The following EBF1 variants were observed in gnomAD, a reference collection of about 807,000 sequenced individuals.
The protein encoded by EBF1 is transcription factor COE1.
In EBF1, 10 loss-of-function variants were observed where a neutral mutation model predicts 68.4. The ratio of observed to expected loss-of-function variants is 0.15; its 90% confidence interval spans 0.09 to 0.25. The LOEUF is 0.25. Among genes scored for constraint, EBF1 ranks in the 10% least tolerant of loss-of-function variants. The pLI, the probability that EBF1 is intolerant of heterozygous loss-of-function variation, is 1.00. For synonymous variants in EBF1, 298 were observed against 299.8 expected (o/e 0.99, Z 0.06); for missense variants, 509 against 794.4 (o/e 0.64, Z 4.32).
chr5:158,727,986 T>C (rs1013581989), intron 11 of EBF1, among the ~76,000 whole-genome samples: 3 of 152,228 alleles, frequency 2.0e-5, no homozygotes, highest in Non-Finnish European at 4.4e-5. Flanking sequence ...GAGGAGTTTG[T>C]TTTTTAAGGT....
chr5:159,071,336 C>G (rs1055520095), intron 6 of EBF1, among the ~76,000 whole-genome samples: 3 of 152,136 alleles, frequency 2.0e-5, no homozygotes, highest in Admixed American at 2.0e-4. Context: ...ATTGGCTACA[C>G]ACTGTTTTCT....
chr5:158,859,002 A>G (rs1225508639), intron 6 of EBF1, among the ~76,000 whole-genome samples: 1 of 152,194 alleles, frequency 6.6e-6, no homozygotes, highest in Non-Finnish European at 1.5e-5. Context: ...CCCGACATCC[A>G]TGGGTGGTCT....
In EBF1 at chr5:158,726,529, T is replaced by C. The variant is rs556410443; in HGVS notation, c.1125+4540A>G. 3.3e-5 allele frequency among the ~76,000 whole-genome samples: 5 copies of C among 152,330 alleles called. No homozygotes were observed. In the South Asian group the frequency reaches 8.3e-4, roughly 25 times the overall value. ...GTATTTATTACTCCCACTGGATCAA[T>C]TTACCAGATATTTTCAGCTCCATAA... On this transcript the variant is annotated intron_variant, in intron 11 of 15. Coordinates refer to ENST00000313708, the MANE Select transcript of EBF1 (RefSeq NM_024007.5).
intron 10 of EBF1, among the ~76,000 whole-genome samples, chr5:158,761,046 C>A (rs1771329770): frequency 6.6e-6 from 1 of 152,106 alleles, no homozygotes; most frequent in Non-Finnish European, 1.5e-5. Context: ...AATAAAAGTG[C>A]AAATCCTTTA....
At chr5:158,777,575 C>CA in intron 9 of EBF1, 36 bp from the exon 10 acceptor site, 5 of 1,571,652 alleles carry the variant, frequency 3.2e-6, no homozygotes, top group Non-Finnish European at 4.3e-6. Context: ...ATTGTCATTG[C>CA]AATAGTTAAA....
At chr5:158,759,228 G>T (rs910582231) in intron 10 of EBF1, among the ~76,000 whole-genome samples, 4 of 152,292 alleles carry the variant, frequency 2.6e-5, no homozygotes, top group Non-Finnish European at 5.9e-5. Context: ...TTGGGAGTTA[G>T]TCTTGATAGT....
At chr5:158,714,237 T>A in intron 11 of EBF1, 55 bp from the exon 12 acceptor site, 1 of 1,595,166 alleles carries the variant, frequency 6.3e-7, no homozygotes, top group Non-Finnish European at 8.6e-7. Flanking sequence ...TGTCGTTATC[T>A]TTTGACATGA....
chr5:159,031,042 T>G (rs1768711973), intron 6 of EBF1, among the ~76,000 whole-genome samples: 1 of 152,028 alleles, frequency 6.6e-6, no homozygotes, highest in South Asian at 2.1e-4. Flanking sequence ...GATGCAGTGG[T>G]GTGTGCCTGT....
intron 7 of EBF1, among the ~76,000 whole-genome samples, chr5:158,830,488 C>T (rs960628718): frequency 1.3e-5 from 2 of 152,162 alleles, no homozygotes; most frequent in African/African-American, 4.8e-5. Flanking sequence ...CTAGGATGGT[C>T]TCGATCTCTT....
intron 8 of EBF1, among the ~76,000 whole-genome samples, chr5:158,798,450 G>A (rs1026645244): frequency 3.3e-5 from 5 of 151,972 alleles, no homozygotes; most frequent in Non-Finnish European, 5.9e-5. Context: ...AGCTAAATAC[G>A]GTCTCCTGCA....
Position 159,099,327 on chromosome 5 carries a change from T to C in EBF1, c.134+18A>G. On this transcript the variant is annotated intron_variant, in intron 1 of 15. Transcript: ENST00000313708. Reference sequence around the variant, plus strand: ...CGCTCGCGGCTCACCTCGGCCGCGGTCCCCGCGCAGTACCCACCTCTGCGC... The same window carrying C: ...CGCTCGCGGCTCACCTCGGCCGCGGCCCCCGCGCAGTACCCACCTCTGCGC... 6.5e-7 allele frequency: 1 copy of C among 1,537,540 alleles called. No homozygotes were observed. The highest frequency in any genetic ancestry group is 8.7e-7 in the Non-Finnish European group (1 of 1,144,194).
At chr5:158,798,115 T>C (rs1237444513) in intron 8 of EBF1, among the ~76,000 whole-genome samples, 1 of 152,212 alleles carries the variant, frequency 6.6e-6, no homozygotes, top group Non-Finnish European at 1.5e-5. Context: ...CATAAAGTTC[T>C]AAAAATATAT....
At chr5:158,954,738 A>G (rs1391068032) in intron 6 of EBF1, among the ~76,000 whole-genome samples, 1 of 152,198 alleles carries the variant, frequency 6.6e-6, no homozygotes, top group Non-Finnish European at 1.5e-5. Context: ...CTAAGATTAG[A>G]AACATATTTA....
chr5:158,758,922 T>G (rs1020159659), intron 10 of EBF1, among the ~76,000 whole-genome samples: 4 of 152,184 alleles, frequency 2.6e-5, no homozygotes, highest in Non-Finnish European at 5.9e-5. Flanking sequence ...TCACCACATT[T>G]CCTGAATCAT....
At chr5:158,885,369 A>G (rs181751665) in intron 6 of EBF1, among the ~76,000 whole-genome samples, 1 of 152,346 alleles carries the variant, frequency 6.6e-6, no homozygotes, top group East Asian at 1.9e-4. Flanking sequence ...GACACGAGAA[A>G]GAGAAGTGGA....
Position 158,737,181 on chromosome 5 carries a change from G to A in EBF1, c.1037-6024C>T, listed in dbSNP as rs1027736890. ...AGCTGTAACTTTCTGCAACAAGAAG[G>A]GTGTCAAGACGAAGCCAACATAGGC... On this transcript the variant is annotated intron_variant, in intron 10 of 15. Transcript: ENST00000313708. Among the ~76,000 whole-genome samples the A allele has an allele frequency of 3.3e-5, 5 of 151,422 alleles. 1 individual carries two copies. Among genetic ancestry groups the A allele is most frequent in the Admixed American group, 3.3e-4 (5 of 15,190 alleles).
At chr5:158,887,013 A>G (rs1800190898) in intron 6 of EBF1, among the ~76,000 whole-genome samples, 3 of 152,198 alleles carry the variant, frequency 2.0e-5, no homozygotes, top group African/African-American at 7.2e-5. Context: ...AAAAAAAAAG[A>G]GAGACTTTAT....
chr5:158,992,917 CTTTTTTTTT>C (rs148629320), intron 6 of EBF1, among the ~76,000 whole-genome samples: 1 of 72,826 alleles, frequency 1.4e-5, no homozygotes, highest in Non-Finnish European at 2.4e-5. Flanking sequence ...CTGTTTCTTT[CTTTTTTTTT>C]TTTTTTTTTT....
At chr5:159,056,145 T>C (rs926425074) in intron 6 of EBF1, among the ~76,000 whole-genome samples, 4 of 152,156 alleles carry the variant, frequency 2.6e-5, no homozygotes. Flanking sequence ...TTTATGACAA[T>C]TTGGGAAGAG....
Sources: gnomAD v4.1 joint callset for allele counts (sites outside exome capture counted in the v4.1 genomes callset) on GRCh38, gnomAD v4.1.1 for gene constraint, MANE v1.5 for transcripts, NCBI Gene and HGNC (gene_info 2026-07-23, HGNC 2026-07-21) for gene names.